Variants in MCHR2 observed in about 807,000 individuals in gnomAD.
MCHR2 encodes melanin-concentrating hormone receptor 2.
MCHR2 carries 15 observed loss-of-function variants against 24.8 expected under a neutral mutation model. That is an observed-to-expected ratio of 0.60 (90% CI 0.40 to 0.93). The LOEUF (loss-of-function observed/expected upper bound fraction) is 0.93. Among genes scored for constraint, MCHR2 ranks in the 40% least tolerant of loss-of-function variants. MCHR2 has a pLI of 0.00. For synonymous variants in MCHR2, 151 were observed against 147.6 expected, an observed-to-expected ratio of 1.02 and a Z score of -0.17; for missense variants, 386 against 408.7, an observed-to-expected ratio of 0.94 and a Z score of 0.48.
At chr6:99,925,130 T>G (rs1582365956) in intron 5 of MCHR2, among the ~76,000 whole-genome samples, 1 of 152,176 alleles carries the variant, frequency 6.6e-6, no homozygotes, top group Middle Eastern at 3.2e-3. Context: ...CTTGCTAAAT[T>G]GACCCCTTTT....
At chr6:99,945,442 G>T (rs570201282) in intron 3 of MCHR2, among the ~76,000 whole-genome samples, 70 of 152,154 alleles carry the variant, frequency 4.6e-4, no homozygotes, top group African/African-American at 1.4e-3. Context: ...TTTTTGTATG[G>T]CTATGGAGGT....
intron 1 of MCHR2, among the ~76,000 whole-genome samples, chr6:99,983,820 AT>A (rs1214715275): frequency 6.6e-6 from 1 of 152,160 alleles, no homozygotes; most frequent in Non-Finnish European, 1.5e-5. Context: ...TATTTAAGGG[AT>A]TTTTTTCTAC....
At chr6:99,952,992 C>G (rs1774993910) in intron 2 of MCHR2, among the ~76,000 whole-genome samples, 1 of 152,080 alleles carries the variant, frequency 6.6e-6, no homozygotes. Flanking sequence ...TACAATGGCT[C>G]AGGTGTTTTT....
In MCHR2 at chr6:99,990,551, G is replaced by A. The variant is rs566943121; in HGVS notation, c.-28+3385C>T. 2.6e-5 allele frequency among the ~76,000 whole-genome samples: 4 copies of A among 152,178 alleles called. No homozygotes were observed. The South Asian group carries it at 8.3e-4, about 32-fold the overall frequency. ...TGTATGTTAATTAAGTAAAATGTAC[G>A]GTAAAGTTATTTGGAACTGTATTTA... On this transcript the variant is annotated intron_variant, in intron 1 of 5. Transcript: ENST00000281806.
chr6:99,960,979 T>C (rs1220144940), intron 1 of MCHR2, among the ~76,000 whole-genome samples: 1 of 151,902 alleles, frequency 6.6e-6, no homozygotes, highest in Non-Finnish European at 1.5e-5. Context: ...GATTGACAAA[T>C]GGGATTTAAT....
chr6:99,923,404 C>G (rs1022352706), intron 5 of MCHR2, among the ~76,000 whole-genome samples: 1 of 152,076 alleles, frequency 6.6e-6, no homozygotes, highest in African/African-American at 2.4e-5. Context: ...TCTGATTGCT[C>G]TAGCTAGGAC....
chr6:99,948,037 C>T (rs1774905745), intron 2 of MCHR2, 66 bp from the exon 3 acceptor site: 1 of 1,371,048 alleles, frequency 7.3e-7, no homozygotes, highest in Non-Finnish European at 1.0e-6. Context: ...TATATGCTAC[C>T]TCATACAAAT....
chr6:99,938,489 A>G (rs1774709939), intron 4 of MCHR2, among the ~76,000 whole-genome samples: 1 of 152,126 alleles, frequency 6.6e-6, no homozygotes, highest in East Asian at 1.9e-4. Flanking sequence ...TAATTTACAT[A>G]TATTTGTGTA....
chr6:99,957,764 T>C (rs924271376), intron 1 of MCHR2, among the ~76,000 whole-genome samples: 14 of 151,978 alleles, frequency 9.2e-5, no homozygotes, highest in Non-Finnish European at 1.6e-4. Context: ...GTTAAAAATA[T>C]ATATACCTAA....
At chr6:99,947,228 C>A (rs2114528100) in intron 3 of MCHR2, among the ~76,000 whole-genome samples, 1 of 152,262 alleles carries the variant, frequency 6.6e-6, no homozygotes, top group African/African-American at 2.4e-5. Context: ...CTCCCTGGCA[C>A]TGGGAAATTG....
intron 4 of MCHR2, among the ~76,000 whole-genome samples, chr6:99,941,032 G>C (rs569909478): frequency 6.6e-6 from 1 of 152,188 alleles, no homozygotes; most frequent in South Asian, 2.1e-4. Flanking sequence ...CAGAACTTAT[G>C]ATACTTCCCA....
chr6:99,955,815 G>T, intron 2 of MCHR2, 151 bp downstream of exon 2: 1 of 661,108 alleles, frequency 1.5e-6, no homozygotes, highest in Non-Finnish European at 2.3e-6. Flanking sequence ...GAAAATATCT[G>T]TAGAATCTTC....
chr6:99,952,159 A>G (rs190546400), intron 2 of MCHR2, among the ~76,000 whole-genome samples: 123 of 152,258 alleles, frequency 8.1e-4, no homozygotes, highest in Non-Finnish European at 1.5e-3. Context: ...GGAATGCAAG[A>G]GGAAAATATT....
intron 5 of MCHR2, among the ~76,000 whole-genome samples, chr6:99,926,811 CT>C (rs1774370965): frequency 6.6e-6 from 1 of 152,098 alleles, no homozygotes; most frequent in Non-Finnish European, 1.5e-5. Context: ...ATGGTAGTTT[CT>C]TTTGCTGTGC....
At chr6:99,958,144 G>A (rs1203955095) in intron 1 of MCHR2, among the ~76,000 whole-genome samples, 2 of 151,968 alleles carry the variant, frequency 1.3e-5, no homozygotes, top group Non-Finnish European at 2.9e-5. Flanking sequence ...AGACAAATAG[G>A]TCAAGGAAAC....
At position 99,994,150 on chromosome 6, in the gene MCHR2, C is replaced by T. The variant is rs1048122527; in HGVS notation, c.-242G>A. On this transcript the variant is annotated 5_prime_UTR_variant, in exon 1 of 6. Coordinates refer to ENST00000281806, the MANE Select transcript of MCHR2 (RefSeq NM_001040179.2). ...GCGGGGGTCCAGGCACAGGAACAGCCAAACGCCCGAACCAGCGGGGTTACC... is the reference window on the plus strand; with the variant it reads ...GCGGGGGTCCAGGCACAGGAACAGCTAAACGCCCGAACCAGCGGGGTTACC... 1 of 152,298 alleles carries T rather than the reference C, an allele frequency of 6.6e-6. No individual in the cohort carries two copies. The highest frequency in any genetic ancestry group is 2.4e-5 in the African/African-American group (1 of 41,476). The allele number at this position is 152,298 out of a possible 1,614,324, so 9.4% of individuals were successfully genotyped here.
At chr6:99,939,649 T>C (rs1028210098) in intron 4 of MCHR2, among the ~76,000 whole-genome samples, 5 of 152,042 alleles carry the variant, frequency 3.3e-5, no homozygotes, top group Admixed American at 6.6e-5. Flanking sequence ...GGCTTGTTAA[T>C]GTATTTAATT....
chr6:99,964,623 T>A (rs1582397605), intron 1 of MCHR2, among the ~76,000 whole-genome samples: 1 of 152,198 alleles, frequency 6.6e-6, no homozygotes, highest in Non-Finnish European at 1.5e-5. Context: ...TGGGGGAAAC[T>A]GCCCCCATGA....
chr6:99,946,297 G>A (rs1774870785), intron 3 of MCHR2, among the ~76,000 whole-genome samples: 1 of 152,132 alleles, frequency 6.6e-6, no homozygotes, highest in African/African-American at 2.4e-5. Context: ...TTAGTTACAA[G>A]TTGAGAAGCA....
Sources: gnomAD v4.1 joint callset for allele counts (sites outside exome capture counted in the v4.1 genomes callset) on GRCh38, gnomAD v4.1.1 for gene constraint, MANE v1.5 for transcripts, NCBI Gene and HGNC (gene_info 2026-07-23, HGNC 2026-07-21) for gene names.